MYRIP: variants seen among roughly 807,000 people sequenced by gnomAD.
MYRIP encodes the protein rab effector MyRIP.
MYRIP carries 49 observed loss-of-function variants against 98.0 expected under a neutral mutation model. The observed-to-expected ratio is 0.50, with a 90% confidence interval of 0.40 to 0.63. The LOEUF is 0.63. Among genes scored for constraint, MYRIP ranks in the 30% least tolerant of loss-of-function variants. The probability of loss-of-function intolerance (pLI) is 0.00; values close to 1 mark genes in which losing one functional copy is unlikely to be tolerated. For synonymous variants in MYRIP, 404 were observed against 409.5 expected (o/e 0.99, Z 0.16); for missense variants, 1,004 against 1,058.2 (o/e 0.95, Z 0.71).
intron 3 of MYRIP, among the ~76,000 whole-genome samples, chr3:40,048,877 T>C (rs971685182): frequency 1.3e-5 from 2 of 152,192 alleles, no homozygotes; most frequent in African/African-American, 4.8e-5. Flanking sequence ...CTATAGAAAA[T>C]GGGATACTAC....
At chr3:39,970,012 TG>T (rs1945538656) in intron 2 of MYRIP, 1 of 152,152 alleles carries the variant, frequency 6.6e-6, no homozygotes, top group African/African-American at 2.4e-5. Context: ...TTGTTAAGTC[TG>T]TTCAGGGAAT....
Position 40,176,908 on chromosome 3 carries a change from CAAAA to C in MYRIP, c.874-5298_874-5295del, listed in dbSNP as rs143992737. Among the ~76,000 whole-genome samples, 184 of 109,132 alleles carry C rather than the reference CAAAA, an allele frequency of 1.7e-3. 1 individual carries two copies. Among genetic ancestry groups the C allele is most frequent in the Middle Eastern group, 4.9e-3 (1 of 206 alleles). The allele number at this position is 109,132 out of a possible 152,430, so 71.6% of individuals were successfully genotyped here. ...TGGGCAACAAGAGCAAACTCCATCT[CAAAA>C]AAAAAAAAAAAAAGAAAAGAAAAGA... On this transcript the variant is annotated intron_variant, in intron 8 of 16. Transcript: ENST00000302541.
intron 1 of MYRIP, among the ~76,000 whole-genome samples, chr3:39,893,613 A>G (rs138621448): frequency 1.3e-5 from 2 of 151,898 alleles, no homozygotes; most frequent in African/African-American, 2.4e-5. Flanking sequence ...AAGACATCCT[A>G]TTGCCCAGAG....
In MYRIP at chr3:40,190,039, C is replaced by T; in HGVS notation, c.1241C>T (p.Ser414Phe). 1 of 1,614,036 alleles carries T rather than the reference C, an allele frequency of 6.2e-7. No individual in the cohort carries two copies. The highest frequency in any genetic ancestry group is 8.5e-7 in the Non-Finnish European group (1 of 1,179,972). ...GCCTTGAGCAAGCTGTGTCCCAGGT[C>T]CCGGGCCCTGCCCAGGAACCCCCAG... ...SEALSKLCPR[S>F]RALPRNPQPQ... Residue 414 changes from serine to phenylalanine, a missense_variant, in exon 10 of 17, where the codon TCC becomes TTC. Transcript: ENST00000302541.
chr3:40,049,762 T>C (rs1947750520), intron 3 of MYRIP, among the ~76,000 whole-genome samples: 1 of 152,122 alleles, frequency 6.6e-6, no homozygotes, highest in South Asian at 2.1e-4. Flanking sequence ...TTAGCCAGGT[T>C]GTGAATGCAA....
intron 2 of MYRIP, among the ~76,000 whole-genome samples, chr3:39,929,546 A>G (rs528131802): frequency 3.9e-5 from 6 of 152,246 alleles, no homozygotes; most frequent in South Asian, 2.1e-4. Context: ...TCAATGGAAC[A>G]TAATAGAATG....
At chr3:40,218,885 T>TCA (rs1952237528) in intron 11 of MYRIP, among the ~76,000 whole-genome samples, 2 of 151,902 alleles carry the variant, frequency 1.3e-5, no homozygotes, top group African/African-American at 4.8e-5. Context: ...TTTGCAAACT[T>TCA]GATGAAGTTA....
intron 2 of MYRIP, among the ~76,000 whole-genome samples, chr3:39,917,173 A>G (rs1598992): frequency 0.44 from 66,893 of 151,664 alleles, 14,993 homozygotes; most frequent in East Asian, 0.54. Context: ...GAGTCAACAT[A>G]CATATGACTA....
At chr3:39,891,285 G>T (rs566908235) in intron 1 of MYRIP, among the ~76,000 whole-genome samples, 1 of 152,024 alleles carries the variant, frequency 6.6e-6, no homozygotes, top group African/African-American at 2.4e-5. Flanking sequence ...ATTCTAAACA[G>T]AAATATAGGC....
chr3:40,005,754 A>T (rs981912191), intron 2 of MYRIP, among the ~76,000 whole-genome samples: 1 of 152,218 alleles, frequency 6.6e-6, no homozygotes, highest in African/African-American at 2.4e-5. Context: ...GTATTTTGCA[A>T]CACCATATAT....
intron 1 of MYRIP, among the ~76,000 whole-genome samples, chr3:39,856,510 C>T (rs1464052814): frequency 6.6e-6 from 1 of 152,198 alleles, no homozygotes; most frequent in Non-Finnish European, 1.5e-5. Flanking sequence ...AAAGCACAAC[C>T]TGGGGTCTCA....
chr3:39,840,235 T>G (rs535572493), intron 1 of MYRIP, among the ~76,000 whole-genome samples: 2 of 152,346 alleles, frequency 1.3e-5, no homozygotes, highest in East Asian at 3.9e-4. Context: ...TACCTTTCCT[T>G]GTCATTTTTG....
At chr3:39,838,523 A>G (rs1345781000) in intron 1 of MYRIP, among the ~76,000 whole-genome samples, 3 of 151,642 alleles carry the variant, frequency 2.0e-5, no homozygotes, top group Non-Finnish European at 2.9e-5. Flanking sequence ...ATTGATTTGC[A>G]TATGTTGAAC....
chr3:40,016,357 G>A (rs756956102), intron 2 of MYRIP, among the ~76,000 whole-genome samples: 3 of 152,194 alleles, frequency 2.0e-5, no homozygotes, highest in Admixed American at 1.3e-4. Flanking sequence ...GGGCAGCTGC[G>A]AGCCCTTAGC....
At chr3:39,881,858 C>T (rs985156002) in intron 1 of MYRIP, among the ~76,000 whole-genome samples, 1 of 151,986 alleles carries the variant, frequency 6.6e-6, no homozygotes, top group African/African-American at 2.4e-5. Flanking sequence ...TACGTACTTC[C>T]ATCTTTTAAA....
At chr3:40,004,390 C>A (rs1946587667) in intron 2 of MYRIP, among the ~76,000 whole-genome samples, 1 of 152,178 alleles carries the variant, frequency 6.6e-6, no homozygotes, top group African/African-American at 2.4e-5. Context: ...AGGTGTGGGC[C>A]ATTGAGCCCG....
At chr3:40,109,977 T>C (rs1477398924) in intron 3 of MYRIP, among the ~76,000 whole-genome samples, 2 of 152,246 alleles carry the variant, frequency 1.3e-5, no homozygotes, top group Admixed American at 1.3e-4. Flanking sequence ...AGGGAGTTCC[T>C]GCAGGAGTAC....
chr3:39,894,540 A>G (rs969140089), intron 1 of MYRIP, among the ~76,000 whole-genome samples: 2 of 152,256 alleles, frequency 1.3e-5, no homozygotes, highest in Non-Finnish European at 2.9e-5. Flanking sequence ...GTTCATTTGG[A>G]TCTATTTTAA....
chr3:40,146,577 A>C (rs1950014989), intron 3 of MYRIP, among the ~76,000 whole-genome samples: 1 of 152,126 alleles, frequency 6.6e-6, no homozygotes, highest in South Asian at 2.1e-4. Flanking sequence ...TTGTGGGAAG[A>C]GGGAGTTCAT....
Sources: gnomAD v4.1 joint callset for allele counts (sites outside exome capture counted in the v4.1 genomes callset) on GRCh38, gnomAD v4.1.1 for gene constraint, MANE v1.5 for transcripts, NCBI Gene and HGNC (gene_info 2026-07-23, HGNC 2026-07-21) for gene names.